RANBP10: variants seen among roughly 807,000 people sequenced by gnomAD.
RANBP10 encodes RAN binding protein 10.
RANBP10 carries 24 observed loss-of-function variants against 72.8 expected under a neutral mutation model. That is an observed-to-expected ratio of 0.33 (90% CI 0.24 to 0.46). The LOEUF is 0.46. Ranked by LOEUF, RANBP10 falls within the 20% of genes least tolerant of loss-of-function variation. RANBP10 has a pLI of 1.00. For synonymous variants in RANBP10, 310 were observed against 322.3 expected (o/e 0.96, Z 0.41); for missense variants, 679 against 817.5 (o/e 0.83, Z 2.07).
intron 2 of RANBP10, among the ~76,000 whole-genome samples, chr16:67,791,016 CTT>C (rs919159741): frequency 2.0e-4 from 24 of 119,400 alleles, no homozygotes; most frequent in East Asian, 4.9e-4. Context: ...CAATTTATTT[CTT>C]TTTTTTTTTT....
At chr16:67,734,690 C>T (rs919069480) in intron 6 of RANBP10, among the ~76,000 whole-genome samples, 168 bp downstream of exon 6, 17 of 151,816 alleles carry the variant, frequency 1.1e-4, no homozygotes, top group African/African-American at 1.7e-4. Flanking sequence ...GCTGTCCATC[C>T]GACGACAGAG....
At chr16:67,753,286 G>A (rs779850720) in intron 3 of RANBP10, among the ~76,000 whole-genome samples, 4 of 151,546 alleles carry the variant, frequency 2.6e-5, no homozygotes, top group African/African-American at 4.9e-5. Context: ...CAAGTGGATC[G>A]CTTGAGCCCA....
Position 67,729,460 on chromosome 16 carries a change from T to C in RANBP10, c.1172A>G (p.Asn391Ser), listed in dbSNP as rs754344776. 1 of 1,612,988 alleles carries C rather than the reference T, an allele frequency of 6.2e-7. No individual in the cohort carries two copies. The highest frequency in any genetic ancestry group is 1.3e-5 in the African/African-American group (1 of 74,920). ...NTGADSPSCS[N>S]GVASTKSKQN... ...TTTGCTCTTGGTGGACGCGACGCCA[T>C]TGCTACAGCTGGGACTGTCTGCTCC... Residue 391 changes from asparagine to serine, a missense_variant, in exon 10 of 14, where the codon AAT (asparagine) becomes AGT (serine). By Grantham distance (46) the Asn-to-Ser change is conservative (BLOSUM62 1). Transcript: ENST00000317506. This position sits in a 1 kb window ranked among gnomAD's most constrained non-coding sequence, Gnocchi z 7.1.
chr16:67,768,334 A>C (rs1456230589), intron 3 of RANBP10, among the ~76,000 whole-genome samples: 2 of 151,878 alleles, frequency 1.3e-5, no homozygotes, highest in African/African-American at 4.8e-5. Context: ...AGCCTGGGCA[A>C]CATGGCGAAA....
intron 10 of RANBP10, 162 bp from the exon 11 acceptor site, chr16:67,728,673 C>T: frequency 2.3e-6 from 3 of 1,290,264 alleles, no homozygotes; most frequent in Non-Finnish European, 3.2e-6. Context: ...GCACTTGGCC[C>T]CTACTGTGAC....
chr16:67,795,189 G>A (rs1597920903), intron 2 of RANBP10, among the ~76,000 whole-genome samples: 1 of 151,644 alleles, frequency 6.6e-6, no homozygotes, highest in South Asian at 2.1e-4. Flanking sequence ...GGAGGTTGCA[G>A]AGCCATGATT....
chr16:67,746,436 G>A (rs578026453), intron 3 of RANBP10, among the ~76,000 whole-genome samples: 23 of 151,996 alleles, frequency 1.5e-4, no homozygotes, highest in African/African-American at 5.3e-4. Flanking sequence ...AGCCGAGATC[G>A]CGCCACTGAA....
Position 67,725,798 on chromosome 16 carries a change from T to A in RANBP10, c.*630A>T, listed in dbSNP as rs940961526. On this transcript the variant is annotated 3_prime_UTR_variant, in exon 14 of 14. Coordinates refer to ENST00000317506, the MANE Select transcript of RANBP10 (RefSeq NM_020850.3). ...GGGTTTCCTAGGCTGCAGCTCGGCC[T>A]GTGACTCAAAAAAGGGGGAGCAAAA... 1 of 152,444 alleles carries A rather than the reference T, an allele frequency of 6.6e-6. No homozygotes were observed. The highest frequency in any genetic ancestry group is 2.4e-5 in the African/African-American group (1 of 41,412). 9.4% of individuals were successfully genotyped at this position (152,444 alleles called of 1,614,324 possible). A position where few individuals can be genotyped will look rare whatever the true frequency, so the allele number is the denominator to read the frequency against.
rs769999286 is a variant in RANBP10, at chr16:67,806,553, A to G, written c.-17T>C. 4 of 1,471,028 alleles carry G rather than the reference A, an allele frequency of 2.7e-6. No homozygotes were observed. The highest frequency in any genetic ancestry group is 2.8e-5 in the African/African-American group (2 of 70,582). 91.1% of individuals were successfully genotyped at this position (1,471,028 alleles called of 1,614,324 possible). A position where few individuals can be genotyped will look rare whatever the true frequency, so the allele number is the denominator to read the frequency against. On this transcript the variant is annotated 5_prime_UTR_variant, in exon 1 of 14. Coordinates refer to ENST00000317506, the MANE Select transcript of RANBP10 (RefSeq NM_020850.3). ...TGCCGCCATCTTGGAGGGAGCTACT[A>G]TTGTGTCACTGGGGGCGGGGAGGAG...
chr16:67,760,602 C>G (rs561596264), intron 3 of RANBP10, among the ~76,000 whole-genome samples: 1 of 152,334 alleles, frequency 6.6e-6, no homozygotes, highest in South Asian at 2.1e-4. Flanking sequence ...TTGCCAGGCA[C>G]CACATGTTTC....
chr16:67,731,138 T>C, intron 7 of RANBP10: 1 of 296,082 alleles, frequency 3.4e-6, no homozygotes, highest in Non-Finnish European at 6.5e-6. Context: ...TGGAAGACCA[T>C]GAACAGGAGG....
intron 13 of RANBP10, 89 bp from the exon 14 acceptor site, chr16:67,726,647 T>C: frequency 2.1e-6 from 3 of 1,415,042 alleles, no homozygotes; most frequent in Non-Finnish European, 2.8e-6. Context: ...GAGGGGGCAG[T>C]GGACAGATTC....
chr16:67,749,208 A>C (rs973344974), intron 3 of RANBP10, among the ~76,000 whole-genome samples: 13 of 152,364 alleles, frequency 8.5e-5, no homozygotes, highest in African/African-American at 3.1e-4. Flanking sequence ...GCCTAAACTC[A>C]GCATTTAAAT....
chr16:67,768,394 G>A (rs952455497), intron 3 of RANBP10, among the ~76,000 whole-genome samples: 3 of 151,880 alleles, frequency 2.0e-5, no homozygotes, highest in Non-Finnish European at 2.9e-5. Flanking sequence ...GGTGGTGTGC[G>A]CCTGTAATCC....
At chr16:67,787,437 G>A (rs1031851427) in intron 2 of RANBP10, among the ~76,000 whole-genome samples, 2 of 152,160 alleles carry the variant, frequency 1.3e-5, no homozygotes, top group African/African-American at 2.4e-5. Context: ...TGGTGGGGAT[G>A]TAAAATGGTG....
In RANBP10 at chr16:67,723,103, CT is replaced by C. The variant is rs1335652170; in HGVS notation, c.*3324del. Reference sequence around the variant, plus strand: ...GATGTGTATTTTAATAAAAATAATTCTGTCAAAATACAACAGAGTTTTTTTT... The same window carrying C: ...GATGTGTATTTTAATAAAAATAATTCGTCAAAATACAACAGAGTTTTTTTT... On this transcript the variant is annotated 3_prime_UTR_variant, in exon 14 of 14. Transcript: ENST00000317506. 1 of 152,522 alleles carries C rather than the reference CT, an allele frequency of 6.6e-6. No homozygotes were observed. Among genetic ancestry groups the C allele is most frequent in the African/African-American group, 2.4e-5 (1 of 41,402 alleles). 9.4% of individuals were successfully genotyped at this position (152,522 alleles called of 1,614,324 possible).
intron 3 of RANBP10, among the ~76,000 whole-genome samples, chr16:67,756,237 G>T (rs1394185808): frequency 1.3e-5 from 2 of 152,242 alleles, no homozygotes; most frequent in Non-Finnish European, 2.9e-5. Context: ...CCATCTGCCA[G>T]GGCAGATCCA....
At chr16:67,745,473 T>A (rs2054053465) in intron 3 of RANBP10, among the ~76,000 whole-genome samples, 1 of 151,924 alleles carries the variant, frequency 6.6e-6, no homozygotes, top group South Asian at 2.1e-4. Context: ...TAACTGGGAT[T>A]ACAGGTGTGC....
intron 2 of RANBP10, among the ~76,000 whole-genome samples, chr16:67,788,801 G>GACCAGCCT (rs2054969635): frequency 1.3e-5 from 2 of 151,528 alleles, no homozygotes; most frequent in African/African-American, 4.9e-5. Context: ...AGGAGTTCGA[G>GACCAGCCT]ACCAGCCTGG....
Sources: allele counts gnomAD v4.1 joint callset (sites outside exome capture counted in the v4.1 genomes callset), GRCh38; gene constraint gnomAD v4.1.1; non-coding constraint Gnocchi (gnomAD v3.1); transcripts MANE v1.5; gene names NCBI Gene and HGNC (gene_info 2026-07-23, HGNC 2026-07-21).